TBC1D26: variants seen among roughly 807,000 people sequenced by gnomAD.
TBC1D26 encodes the protein TBC1 domain family, member 26.
In TBC1D26, 19 loss-of-function variants were observed where a neutral mutation model predicts 42.5. The ratio of observed to expected loss-of-function variants is 0.45; its 90% CI spans 0.31 to 0.66. TBC1D26 has a LOEUF of 0.66. Ranked by LOEUF, TBC1D26 falls within the 30% of genes least tolerant of loss-of-function variation. The pLI is 0.06. For synonymous variants in TBC1D26, 97 were observed against 123.5 expected, an observed-to-expected ratio of 0.79 and a Z score of 1.42; for missense variants, 228 against 332.6, an observed-to-expected ratio of 0.69 and a Z score of 2.45.
At chr17:15,740,282 C>G (rs756606731) in intron 9 of TBC1D26, 134 bp downstream of exon 9, 1 of 1,603,128 alleles carries the variant, frequency 6.2e-7, no homozygotes, top group African/African-American at 1.3e-5. Context: ...GACTTCAGCT[C>G]GCTGCTGGCA....
intron 5 of TBC1D26, chr17:15,737,772 G>A: frequency 1.3e-6 from 1 of 793,126 alleles, no homozygotes; most frequent in South Asian, 1.8e-5. Flanking sequence ...GGCTGGACCT[G>A]ACCAAAACTT....
At chr17:15,741,070 G>A in intron 9 of TBC1D26, 52 bp from the exon 10 acceptor site, 1 of 1,599,638 alleles carries the variant, frequency 6.3e-7, no homozygotes, top group Non-Finnish European at 8.5e-7. Context: ...CCTCCCAGGT[G>A]GCCTCAGTCC....
At chr17:15,735,170 A>C (rs927496890) in intron 2 of TBC1D26, 100 bp downstream of exon 2, 67 of 707,312 alleles carry the variant, frequency 9.5e-5, no homozygotes, top group Non-Finnish European at 1.2e-4. Context: ...GGTTGGAGGC[A>C]AGGACTTCAG....
rs965552591 is a variant in TBC1D26, at chr17:15,741,812, C to T, written c.647-130C>T. 1.6e-5 allele frequency: 13 copies of T among 809,884 alleles called. No homozygotes were observed. The African/African-American group carries it at 2.0e-4, about 13-fold the overall frequency. The allele number at this position is 809,884 out of a possible 1,614,324, so 50.2% of individuals were successfully genotyped here. ...TCCTCCCCAGGGCTGAGGCTACATG[C>T]TGGGGTCACCACATGGGAGGGAGGG... On this transcript the variant is annotated intron_variant, in intron 10 of 14. Coordinates refer to ENST00000437605, the MANE Select transcript of TBC1D26 (RefSeq NM_001388465.1).
chr17:15,736,294 GC>G (rs529617412), intron 4 of TBC1D26, among the ~76,000 whole-genome samples: 297 of 152,364 alleles, frequency 1.9e-3, no homozygotes, highest in African/African-American at 6.9e-3. Context: ...CCTGAAGCCG[GC>G]CCCTCAGGAC....
At chr17:15,732,799 C>T (rs2151495791) in intron 1 of TBC1D26, among the ~76,000 whole-genome samples, 1 of 152,274 alleles carries the variant, frequency 6.6e-6, no homozygotes, top group East Asian at 1.9e-4. Context: ...CAAGTCTGTG[C>T]CCTAAGCTGG....
chr17:15,740,773 C>A, intron 9 of TBC1D26: 3 of 960,378 alleles, frequency 3.1e-6, no homozygotes, highest in Non-Finnish European at 4.0e-6. Flanking sequence ...TGCCTGCCCT[C>A]GTGGCAGGTG....
chr17:15,736,956 C>T (rs1191313657), intron 4 of TBC1D26, among the ~76,000 whole-genome samples: 1 of 152,154 alleles, frequency 6.6e-6, no homozygotes, highest in Non-Finnish European at 1.5e-5. Flanking sequence ...GGCCAGGATG[C>T]AGGGAGAGGC....
At position 15,743,446 on chromosome 17, in the gene TBC1D26, C is replaced by T. The variant is rs997168760; in HGVS notation, c.987C>T (p.Asn329=). 6.8e-5 allele frequency: 67 copies of T among 987,586 alleles called. No individual in the cohort carries two copies. Among genetic ancestry groups the T allele is most frequent in the African/African-American group, 5.1e-4 (29 of 57,224 alleles). 61.2% of individuals were successfully genotyped at this position (987,586 alleles called of 1,614,324 possible). ...RLSQSWALED[N]AVLRNLQTSM... ...CTCAGAGCTGGGCCCTGGAGGACAA[C>T]GCGGTCCTCAGGAACCTTCAAACCT... Residue 329 remains asparagine (N), a synonymous_variant, in exon 14 of 15, where the codon AAC becomes AAT. Coordinates refer to ENST00000437605, the MANE Select transcript of TBC1D26 (RefSeq NM_001388465.1).
At position 15,735,047 on chromosome 17, in the gene TBC1D26, A is replaced by G; in HGVS notation, c.-25A>G. 1 of 459,634 alleles carries G rather than the reference A, an allele frequency of 2.2e-6. No homozygotes were observed. Among genetic ancestry groups the G allele is most frequent in the Non-Finnish European group, 3.9e-6 (1 of 256,840 alleles). 28.5% of individuals were successfully genotyped at this position (459,634 alleles called of 1,614,324 possible). On this transcript the variant is annotated 5_prime_UTR_variant, in exon 2 of 15. Transcript: ENST00000437605. ...TGGGGACTTCACCCTCAGCAAGTGG[A>G]CGCCGTTTGTCCTGCCAGGGCAGGT...
chr17:15,733,790 G>A (rs1187148304), intron 1 of TBC1D26: 1 of 152,250 alleles, frequency 6.6e-6, no homozygotes, highest in Non-Finnish European at 1.5e-5. Flanking sequence ...ACCTCAAAAT[G>A]TCACTGGTGC....
At chr17:15,738,994 G>A (rs927577930) in intron 8 of TBC1D26, among the ~76,000 whole-genome samples, 164 bp downstream of exon 8, 2 of 146,546 alleles carry the variant, frequency 1.4e-5, no homozygotes, top group African/African-American at 2.6e-5. Flanking sequence ...AGCATCTCCC[G>A]GCTCTAAGCT....
In TBC1D26 at chr17:15,741,192, C is replaced by T. The variant is rs11650318; in HGVS notation, c.617C>T (p.Ala206Val). The T allele has an allele frequency of 0.38, 607,201 of 1,613,312 alleles. 118,737 individuals carry two copies. Among genetic ancestry groups the T allele is most frequent in the Non-Finnish European group, 0.4 (476,603 of 1,179,810 alleles). The change falls in exon 10 of 15, where the codon GCT becomes GTT. Residue 206 changes from alanine to valine, a missense_variant. By Grantham distance (64) the Ala-to-Val change is moderately conservative (BLOSUM62 0). Around this residue, in one of 5 missense-constraint regions of TBC1D26, gnomAD observed 130 missense variants for 168.5 expected, o/e 0.77. Coordinates refer to ENST00000437605, the MANE Select transcript of TBC1D26 (RefSeq NM_001388465.1). ...ILLLCLPEED[A>V]FWALTQLLAV... Reference sequence around the variant, plus strand: ...CTCCTGTGTCTGCCAGAGGAAGATGCTTTCTGGGCGCTTACCCAGTTGCTC... The same window carrying T: ...CTCCTGTGTCTGCCAGAGGAAGATGTTTTCTGGGCGCTTACCCAGTTGCTC...
chr17:15,740,895 A>G (rs1967758363), intron 9 of TBC1D26: 5 of 652,140 alleles, frequency 7.7e-6, no homozygotes, highest in South Asian at 5.9e-5. Context: ...GAGCTTGGAC[A>G]CTTGCTGCAG....
rs373600282 is a variant in TBC1D26, at chr17:15,741,202, G to T, written c.627G>T (p.Ala209=). ...LCLPEEDAFW[A]LTQLLAVFYS... Reference sequence around the variant, plus strand: ...TGCCAGAGGAAGATGCTTTCTGGGCGCTTACCCAGTTGCTCGCTGGTGAGA... The same window carrying T: ...TGCCAGAGGAAGATGCTTTCTGGGCTCTTACCCAGTTGCTCGCTGGTGAGA... Residue 209 remains alanine (A), a synonymous_variant, in exon 10 of 15, where the codon GCG becomes GCT. Transcript: ENST00000437605. 1.1e-5 allele frequency: 17 copies of T among 1,613,574 alleles called. No homozygotes were observed. In the African/African-American group the frequency reaches 2.1e-4, roughly 20 times the overall value.
intron 11 of TBC1D26, 55 bp downstream of exon 11, chr17:15,742,091 G>A (rs1967803717): frequency 1.3e-6 from 2 of 1,514,534 alleles, no homozygotes; most frequent in Admixed American, 1.8e-5. Flanking sequence ...CCATAGGCCA[G>A]GGGAGGCTCA....
At chr17:15,738,946 G>A in intron 8 of TBC1D26, 116 bp downstream of exon 8, 4 of 1,426,346 alleles carry the variant, frequency 2.8e-6, no homozygotes, top group Non-Finnish European at 3.9e-6. Flanking sequence ...GCCACCAAGG[G>A]CTCTCCTGGC....
intron 10 of TBC1D26, chr17:15,741,570 A>C (rs1597757850): frequency 2.2e-6 from 1 of 459,574 alleles, no homozygotes; most frequent in Non-Finnish European, 4.0e-6. Context: ...GCTCCCAGCC[A>C]CCCTCCCTCC....
chr17:15,738,488 G>T, intron 7 of TBC1D26, 101 bp downstream of exon 7: 2 of 1,454,680 alleles, frequency 1.4e-6, no homozygotes, highest in Non-Finnish European at 1.9e-6. Context: ...GTTGGGAGTG[G>T]GGGCTGTGGT....
Sources: gnomAD v4.1 joint callset for allele counts (sites outside exome capture counted in the v4.1 genomes callset) on GRCh38, gnomAD v4.1.1 for gene constraint, gnomAD v4.1.1 regional missense constraint, MANE v1.5 for transcripts, NCBI Gene and HGNC (gene_info 2026-07-23, HGNC 2026-07-21) for gene names.